Variants in BICRAL observed in about 807,000 individuals in gnomAD.
BICRAL encodes BICRA like chromatin remodeling complex associated protein.
In BICRAL, 8 loss-of-function variants were observed where a neutral mutation model predicts 91.8. The ratio of observed to expected loss-of-function variants is 0.09; its 90% confidence interval spans 0.05 to 0.16. BICRAL has a LOEUF of 0.16. Among genes scored for constraint, BICRAL ranks in the 10% least tolerant of loss-of-function variants. BICRAL has a pLI of 1.00. For missense variants in BICRAL, 1,038 were observed against 1,310.9 expected, an observed-to-expected ratio of 0.79 and a Z score of 3.21; for synonymous variants, 445 against 491.1, an observed-to-expected ratio of 0.91 and a Z score of 1.24.
At chr6:42,807,855 A>G (rs1763752776) in intron 1 of BICRAL, among the ~76,000 whole-genome samples, 1 of 151,990 alleles carries the variant, frequency 6.6e-6, no homozygotes, top group Non-Finnish European at 1.5e-5. Context: ...ATTTAACAGA[A>G]TGATATATTT....
chr6:42,859,414 G>A (rs1476228843), intron 10 of BICRAL, among the ~76,000 whole-genome samples: 1 of 151,746 alleles, frequency 6.6e-6, no homozygotes, highest in Non-Finnish European at 1.5e-5. Flanking sequence ...CCCACAGTGG[G>A]TGTGAAGACT....
intron 6 of BICRAL, among the ~76,000 whole-genome samples, chr6:42,850,247 T>C (rs1765135957): frequency 6.6e-6 from 1 of 151,420 alleles, no homozygotes; most frequent in Non-Finnish European, 1.5e-5. Context: ...AGGCTGGGTG[T>C]AGTGGCTCAC....
intron 2 of BICRAL, among the ~76,000 whole-genome samples, chr6:42,817,967 T>TTA (rs539210972): frequency 9.3e-6 from 1 of 107,254 alleles, no homozygotes; most frequent in East Asian, 2.6e-4. Context: ...ACCCTATCTC[T>TTA]AAAAAAAAAA....
rs371734933 is a variant in BICRAL at position 42,763,596 on chromosome 6, G to T, written c.-261+16573G>T. Reference sequence around the variant, plus strand: ...AGCACTTTGGGAGGCTAAGGCAAGCGGATCACTTGAGGTCAGGAGTTCAAG... The same window carrying T: ...AGCACTTTGGGAGGCTAAGGCAAGCTGATCACTTGAGGTCAGGAGTTCAAG... On this transcript the variant is annotated intron_variant, in intron 1 of 14. Transcript: ENST00000614467. Among the ~76,000 whole-genome samples, 29 of 151,854 alleles carry T rather than the reference G, an allele frequency of 1.9e-4. No homozygotes were observed. The South Asian group carries it at 3.7e-3, about 20-fold the overall frequency.
intron 5 of BICRAL, among the ~76,000 whole-genome samples, chr6:42,826,125 G>C (rs1478020326): frequency 5.1e-5 from 7 of 137,696 alleles, no homozygotes; most frequent in African/African-American, 1.7e-4. Flanking sequence ...TAGAGATGAG[G>C]AAACTAAAGC....
chr6:42,783,657 C>T (rs902038150), intron 1 of BICRAL, among the ~76,000 whole-genome samples: 7 of 152,316 alleles, frequency 4.6e-5, no homozygotes, highest in African/African-American at 1.7e-4. Flanking sequence ...CTTCCCCACG[C>T]CCCCAGACCC....
chr6:42,813,735 G>A (rs1049551466), intron 2 of BICRAL, among the ~76,000 whole-genome samples: 3 of 151,950 alleles, frequency 2.0e-5, no homozygotes, highest in African/African-American at 7.3e-5. Context: ...TGCGCAGGAG[G>A]GTCTCAAACT....
At chr6:42,791,664 A>G (rs1369948593) in intron 1 of BICRAL, among the ~76,000 whole-genome samples, 2 of 152,158 alleles carry the variant, frequency 1.3e-5, no homozygotes, top group Non-Finnish European at 2.9e-5. Context: ...AGAACTCACT[A>G]TGTTGCACAG....
intron 1 of BICRAL, among the ~76,000 whole-genome samples, chr6:42,798,657 C>G (rs1763485489): frequency 6.6e-6 from 1 of 152,186 alleles, no homozygotes; most frequent in South Asian, 2.1e-4. Context: ...GATCAAGTCA[C>G]TACATTCCAG....
At chr6:42,822,737 C>A in intron 3 of BICRAL, 59 bp from the exon 4 acceptor site, 1 of 899,292 alleles carries the variant, frequency 1.1e-6, no homozygotes, top group South Asian at 1.5e-5. Context: ...AAAATTAGTT[C>A]TAAATATAGA....
chr6:42,811,361 G>A (rs1210448464), intron 2 of BICRAL, among the ~76,000 whole-genome samples: 1 of 152,194 alleles, frequency 6.6e-6, no homozygotes, highest in African/African-American at 2.4e-5. Flanking sequence ...GGTGGCTCAC[G>A]CCTGTAATCC....
intron 1 of BICRAL, among the ~76,000 whole-genome samples, chr6:42,789,218 A>G (rs1763195146): frequency 1.3e-5 from 2 of 152,242 alleles, no homozygotes; most frequent in Admixed American, 6.5e-5. Context: ...ATGTGAATGT[A>G]TGTAATGCCA....
At position 42,860,468 on chromosome 6, in the gene BICRAL, T is replaced by C. The variant is rs1765521367; in HGVS notation, c.2349+112T>C. 14 of 639,900 alleles carry C rather than the reference T, an allele frequency of 2.2e-5. No individual in the cohort carries two copies. In the South Asian group the frequency reaches 2.4e-4, roughly 11 times the overall value. 39.6% of individuals were successfully genotyped at this position (639,900 alleles called of 1,614,324 possible). A position where few individuals can be genotyped will look rare whatever the true frequency, so the allele number is the denominator to read the frequency against. ...GAATATAATGTAAAAGTAACAGATA[T>C]TTCACACTGTAGAAAAACTTACGCT... On this transcript the variant is annotated intron_variant, in intron 11 of 12. Transcript: ENST00000314073.
intron 1 of BICRAL, among the ~76,000 whole-genome samples, chr6:42,794,830 G>A (rs143543804): frequency 0.05 from 7,599 of 150,698 alleles, 258 homozygotes; most frequent in South Asian, 0.095. Flanking sequence ...GCGTGGTGGC[G>A]GGCACCTGTA....
At chr6:42,754,296 C>T (rs964107676) in intron 1 of BICRAL, among the ~76,000 whole-genome samples, 1 of 151,948 alleles carries the variant, frequency 6.6e-6, no homozygotes, top group Admixed American at 6.6e-5. Context: ...CTCAGCCTCC[C>T]GAGTAGCTGG....
At chr6:42,785,182 C>T (rs184116181) in intron 1 of BICRAL, among the ~76,000 whole-genome samples, 23 of 152,032 alleles carry the variant, frequency 1.5e-4, no homozygotes, top group Non-Finnish European at 2.9e-4. Context: ...AGTATGTTGT[C>T]TCATTCTATT....
chr6:42,797,386 T>C (rs1034174312), intron 1 of BICRAL, among the ~76,000 whole-genome samples: 1 of 152,056 alleles, frequency 6.6e-6, no homozygotes, highest in Non-Finnish European at 1.5e-5. Context: ...TTTTCTTTTA[T>C]ACGTTAAAAT....
At chr6:42,759,172 A>G (rs1325322929) in intron 1 of BICRAL, among the ~76,000 whole-genome samples, 1 of 152,202 alleles carries the variant, frequency 6.6e-6, no homozygotes, top group Non-Finnish European at 1.5e-5. Context: ...GAAGCACTTC[A>G]AAGCTGGAAG....
chr6:42,809,570 A>G (rs1480042890), intron 1 of BICRAL, among the ~76,000 whole-genome samples: 1 of 149,790 alleles, frequency 6.7e-6, no homozygotes, highest in East Asian at 2.0e-4. Context: ...CACCTCCCAG[A>G]TTCAAGCAAT....
Sources: gnomAD v4.1 joint callset for allele counts (sites outside exome capture counted in the v4.1 genomes callset) on GRCh38, gnomAD v4.1.1 for gene constraint, MANE v1.5 for transcripts, NCBI Gene and HGNC (gene_info 2026-07-23, HGNC 2026-07-21) for gene names.